The following SLC17A8 variants were observed in gnomAD, a reference collection of about 807,000 sequenced individuals.
SLC17A8 encodes solute carrier family 17 member 8.
A neutral mutation model predicts 58.0 loss-of-function variants in SLC17A8; 31 were observed. The observed-to-expected ratio is 0.53, with a 90% CI of 0.40 to 0.72. The LOEUF is 0.72. Among genes scored for constraint, SLC17A8 ranks in the 30% least tolerant of loss-of-function variants. SLC17A8 has a pLI of 0.00. For synonymous variants in SLC17A8, 228 were observed against 249.0 expected (o/e 0.92, Z 0.79); for missense variants, 655 against 727.8 (o/e 0.90, Z 1.15).
In SLC17A8 at chr12:100,380,776, G is replaced by A. The variant is rs753134386; in HGVS notation, c.177G>A (p.Arg59=). 6.2e-7 allele frequency: 1 copy of A among 1,614,098 alleles called. No homozygotes were observed. ...NEEGRPVQTS[R]PSPPLCDCHC... ...AAGGAAGGCCGGTGCAGACGTCCAG[G>A]CCAAGCCCCCCACTCTGCGACTGCC... The change falls in exon 2 of 12, where the codon AGG becomes AGA. Residue 59 remains arginine (R), a synonymous_variant. Transcript: ENST00000323346.
chr12:100,374,802 G>A (rs571056807), intron 1 of SLC17A8, among the ~76,000 whole-genome samples: 2 of 152,104 alleles, frequency 1.3e-5, no homozygotes, highest in Admixed American at 6.6e-5. Context: ...CCTTGAAGTG[G>A]TGGCTCAGCT....
intron 9 of SLC17A8, among the ~76,000 whole-genome samples, chr12:100,404,639 G>A (rs1952814084): frequency 1.3e-5 from 2 of 152,086 alleles, no homozygotes; most frequent in African/African-American, 4.8e-5. Flanking sequence ...AAGTAATTGT[G>A]AACCCCTACA....
At chr12:100,401,680 G>A in intron 5 of SLC17A8, 97 bp from the exon 6 acceptor site, 1 of 1,032,342 alleles carries the variant, frequency 9.7e-7, no homozygotes, top group Admixed American at 1.7e-5. Context: ...TTCCTGCTCA[G>A]TTTGATTAAT....
chr12:100,415,277 C>A (rs2136016530), intron 10 of SLC17A8, among the ~76,000 whole-genome samples: 1 of 152,040 alleles, frequency 6.6e-6, no homozygotes, highest in South Asian at 2.1e-4. Flanking sequence ...ACCAACCTGG[C>A]CAACATGGTG....
At chr12:100,406,600 A>G (rs1436321297) in intron 9 of SLC17A8, among the ~76,000 whole-genome samples, 2 of 151,726 alleles carry the variant, frequency 1.3e-5, no homozygotes, top group African/African-American at 4.8e-5. Flanking sequence ...CAGTGGTGCA[A>G]TCTCAGCTCA....
chr12:100,403,707 A>G lies in SLC17A8; in HGVS notation c.1054-331A>G, dbSNP rs1887276. 0.56 allele frequency among the ~76,000 whole-genome samples: 84,691 copies of G among 151,916 alleles called. 23,843 individuals carry two copies. Among genetic ancestry groups the G allele is most frequent in the East Asian group, 0.72 (3,718 of 5,142 alleles). ...AAGTGACCATGGAAGAGCTGGCATA[A>G]TCATGAAATGGTGGCTGTCATCAGT... On this transcript the variant is annotated intron_variant, in intron 8 of 11. Transcript: ENST00000323346.
At chr12:100,370,232 G>A (rs1426356918) in intron 1 of SLC17A8, among the ~76,000 whole-genome samples, 1 of 152,062 alleles carries the variant, frequency 6.6e-6, no homozygotes, top group Non-Finnish European at 1.5e-5. Context: ...AGGATTACAG[G>A]TGTGAGCCAC....
chr12:100,371,432 G>A (rs1211958653), intron 1 of SLC17A8, among the ~76,000 whole-genome samples: 1 of 152,228 alleles, frequency 6.6e-6, no homozygotes, highest in South Asian at 2.1e-4. Flanking sequence ...TTCGTCAGGC[G>A]CTTTCTGATT....
chr12:100,389,513 G>A (rs1472901597), intron 2 of SLC17A8, among the ~76,000 whole-genome samples: 3 of 151,788 alleles, frequency 2.0e-5, no homozygotes, highest in Non-Finnish European at 4.4e-5. Flanking sequence ...TTATTCACAA[G>A]CTATTTTATT....
intron 9 of SLC17A8, among the ~76,000 whole-genome samples, chr12:100,409,049 A>C (rs1352592261): frequency 1.3e-5 from 2 of 152,198 alleles, no homozygotes; most frequent in Non-Finnish European, 2.9e-5. Context: ...AATATTAATA[A>C]CTTAACCATC....
chr12:100,387,853 G>T lies in SLC17A8; in HGVS notation c.355-3148G>T, dbSNP rs186177411. 1.2e-4 allele frequency among the ~76,000 whole-genome samples: 19 copies of T among 152,280 alleles called. No individual in the cohort carries two copies. The East Asian group carries it at 3.7e-3, about 29-fold the overall frequency. The stretch of plus-strand genomic sequence containing the variant: ...TTTCCTCATTTGCAATTACCTCTAG[G>T]TGTTTTAAAGATTAAAGGAGGAAAT... On this transcript the variant is annotated intron_variant, in intron 2 of 11. Transcript: ENST00000323346.
At position 100,416,304 on chromosome 12, in the gene SLC17A8, T is replaced by C. The variant is rs1431072378; in HGVS notation, c.1298-1725T>C. 2.6e-5 allele frequency among the ~76,000 whole-genome samples: 4 copies of C among 152,368 alleles called. No individual in the cohort carries two copies. The South Asian group carries it at 8.3e-4, about 32-fold the overall frequency. On this transcript the variant is annotated intron_variant, in intron 10 of 11. Transcript: ENST00000323346. Reference sequence around the variant, plus strand: ...ATACTCAACAATCATATTAATTGCTTCTTATCTCTGGATTCTTTTCTAATA... The same window carrying C: ...ATACTCAACAATCATATTAATTGCTCCTTATCTCTGGATTCTTTTCTAATA...
chr12:100,391,166 T>G (rs778345542), intron 3 of SLC17A8, 47 bp downstream of exon 3: 17 of 1,339,384 alleles, frequency 1.3e-5, no homozygotes, highest in Non-Finnish European at 1.7e-5. Flanking sequence ...AAATGTGGCT[T>G]TGTACCTATA....
intron 10 of SLC17A8, among the ~76,000 whole-genome samples, chr12:100,416,690 C>T (rs971441499): frequency 6.6e-6 from 1 of 152,192 alleles, no homozygotes. Flanking sequence ...GTGCCAGGCA[C>T]TTTGCTAGTT....
intron 6 of SLC17A8, 126 bp from the exon 7 acceptor site, chr12:100,402,214 A>C: frequency 9.5e-7 from 1 of 1,057,212 alleles, no homozygotes; most frequent in Non-Finnish European, 1.4e-6. Flanking sequence ...GAGTCCCTCA[A>C]ACCTTGTTAC....
chr12:100,375,386 G>T (rs1459939473), intron 1 of SLC17A8, among the ~76,000 whole-genome samples: 1 of 152,110 alleles, frequency 6.6e-6, no homozygotes, highest in Non-Finnish European at 1.5e-5. Context: ...AGAAAAGCTA[G>T]GTGGGAAGAC....
intron 2 of SLC17A8, among the ~76,000 whole-genome samples, chr12:100,389,802 T>TATTATTATTA (rs568838204): frequency 3.3e-4 from 44 of 134,594 alleles, no homozygotes; most frequent in African/African-American, 1.1e-3. Flanking sequence ...CTGGCTAGAT[T>TATTATTATTA]TGTATTATTA....
chr12:100,383,674 A>C (rs1952652523), intron 2 of SLC17A8, among the ~76,000 whole-genome samples: 1 of 152,156 alleles, frequency 6.6e-6, no homozygotes, highest in South Asian at 2.1e-4. Context: ...ATGTTCTACA[A>C]GGGGTATGAA....
At chr12:100,418,860 G>A (rs75890478) in intron 11 of SLC17A8, among the ~76,000 whole-genome samples, 1,612 of 152,294 alleles carry the variant, frequency 0.011, 35 homozygotes, top group African/African-American at 0.037. Flanking sequence ...AAGAAAGTGT[G>A]AGATAAATTT....
Sources: gnomAD v4.1 joint callset for allele counts (sites outside exome capture counted in the v4.1 genomes callset) on GRCh38, gnomAD v4.1.1 for gene constraint, MANE v1.5 for transcripts, NCBI Gene and HGNC (gene_info 2026-07-23, HGNC 2026-07-21) for gene names.